The following COA1 variants were observed in gnomAD, a reference collection of about 807,000 sequenced individuals.
COA1 encodes cytochrome c oxidase assembly factor 1 homolog.
A neutral mutation model predicts 16.0 loss-of-function variants in COA1; 13 were observed. The observed-to-expected ratio is 0.81, with a 90% confidence interval of 0.53 to 1.29. COA1 has a LOEUF of 1.29. COA1 is among the 50% of genes most tolerant of loss of function. The pLI, the probability that COA1 is intolerant of heterozygous loss-of-function variation, is 0.00. For missense variants in COA1, 179 were observed against 177.0 expected (o/e 1.01, Z -0.06); for synonymous variants, 65 against 65.7 (o/e 0.99, Z 0.05).
chr7:43,643,602 T>A (rs67210429), intron 4 of COA1, among the ~76,000 whole-genome samples: 22,354 of 152,186 alleles, frequency 0.15, 2,193 homozygotes, highest in Non-Finnish European at 0.21. Context: ...GACCATCACC[T>A]CTGACCCACC....
Position 43,639,609 on chromosome 7 carries a change from T to C in COA1, c.414A>G (p.Glu138=). 6.2e-7 allele frequency: 1 copy of C among 1,613,980 alleles called. No individual in the cohort carries two copies. The highest frequency in any genetic ancestry group is 1.1e-5 in the South Asian group (1 of 91,076). The change falls in exon 6 of 6, where the codon GAA becomes GAG. Residue 138 remains glutamate (E), a synonymous_variant. Transcript: ENST00000223336. The part of the protein sequence containing the change: ...QQIPVFKLSG[E]NGDEVKKE ...ACTCCTTTTTCACTTCATCACCGTT[T>C]TCCCCACTGAGCTTGAACACAGGAA...
In COA1 at chr7:43,695,118, A is replaced by G. The variant is rs139052028; in HGVS notation, c.-39+34311T>C. ...GTTACCATCATCTCTTCCCTGGATC[A>G]TAACAGCAGCGTCCTGACAAACCTC... is the stretch of plus-strand genomic sequence containing the variant. On this transcript the variant is annotated intron_variant, in intron 1 of 5. Coordinates refer to ENST00000223336, the MANE Select transcript of COA1 (RefSeq NM_018224.4). 4.3e-4 allele frequency among the ~76,000 whole-genome samples: 65 copies of G among 152,364 alleles called. 2 individuals carry two copies. In the East Asian group the frequency reaches 0.012, roughly 28 times the overall value.
chr7:43,673,752 A>G (rs762102394), intron 1 of COA1, among the ~76,000 whole-genome samples: 22 of 152,244 alleles, frequency 1.4e-4, no homozygotes, highest in Non-Finnish European at 2.5e-4. Context: ...CTAAATGCCC[A>G]CCAATGGTGG....
intron 2 of COA1, chr7:43,647,868 G>T: frequency 1.9e-6 from 1 of 526,094 alleles, no homozygotes; most frequent in East Asian, 3.2e-5. Context: ...ATGCTGTGGG[G>T]GCCCTGCCAC....
intron 1 of COA1, among the ~76,000 whole-genome samples, chr7:43,666,635 A>G (rs1345078310): frequency 1.3e-5 from 2 of 152,230 alleles, no homozygotes; most frequent in Non-Finnish European, 2.9e-5. Flanking sequence ...TCAAAATGCA[A>G]ATAGGTGGTC....
At chr7:43,725,173 G>A (rs747427018) in intron 1 of COA1, among the ~76,000 whole-genome samples, 13 of 152,026 alleles carry the variant, frequency 8.6e-5, no homozygotes, top group Non-Finnish European at 1.5e-5. Context: ...GGGAGGTGGG[G>A]GTTGCGGTAA....
intron 1 of COA1, among the ~76,000 whole-genome samples, chr7:43,708,354 A>T (rs546286293): frequency 6.6e-6 from 1 of 152,214 alleles, no homozygotes; most frequent in East Asian, 1.9e-4. Flanking sequence ...CCAACTGCTC[A>T]GGAGGCTAAA....
chr7:43,661,647 A>AAG (rs2092443265), intron 1 of COA1, among the ~76,000 whole-genome samples: 3 of 132,500 alleles, frequency 2.3e-5, no homozygotes, highest in Non-Finnish European at 3.6e-5. Flanking sequence ...AAAAAAAAAA[A>AAG]AAAGAGACAT....
intron 6 of COA1, among the ~76,000 whole-genome samples, chr7:43,613,288 T>C (rs2083046812): frequency 1.3e-5 from 2 of 152,182 alleles, no homozygotes; most frequent in Admixed American, 1.3e-4. Flanking sequence ...CCCCACCAAG[T>C]ATTTCATTGA....
Position 43,645,450 on chromosome 7 carries a change from A to G in COA1, c.116-51T>C, listed in dbSNP as rs369783026. On this transcript the variant is annotated intron_variant, in intron 3 of 5. Transcript: ENST00000223336. ...TCTTTATTGAACTTGGTCAGGTAGA[A>G]TCTACTACACAGAAAATTAAATAAT... 4.6e-6 allele frequency: 7 copies of G among 1,526,994 alleles called. No individual in the cohort carries two copies. The African/African-American group carries it at 8.2e-5, about 18-fold the overall frequency. 94.6% of individuals were successfully genotyped at this position (1,526,994 alleles called of 1,614,324 possible).
At chr7:43,641,566 T>TAAAA (rs1224332397) in intron 4 of COA1, 2 of 152,214 alleles carry the variant, frequency 1.3e-5, no homozygotes, top group Non-Finnish European at 2.9e-5. Flanking sequence ...ATTCACTGTT[T>TAAAA]TAAAGAGGGA....
At chr7:43,610,776 A>G (rs28380204) in intron 6 of COA1, among the ~76,000 whole-genome samples, 22,333 of 152,200 alleles carry the variant, frequency 0.15, 2,187 homozygotes, top group Non-Finnish European at 0.21. Context: ...ATTTAATACT[A>G]TATAAATAAC....
rs1429374527 is a variant in COA1, at chr7:43,691,467, AAGAAAGAAAG to A, written c.-39+37952_-39+37961del. ...AAAGAAAGAAAGAAAGAAAGAAAGA[AAGAAAGAAAG>A]AAATTATCATCAATATAACATTTTC... On this transcript the variant is annotated intron_variant, in intron 1 of 5. Coordinates refer to ENST00000223336, the MANE Select transcript of COA1 (RefSeq NM_018224.4). 2.5e-3 allele frequency among the ~76,000 whole-genome samples: 359 copies of A among 145,188 alleles called. 1 individual carries two copies. The highest frequency in any genetic ancestry group is 9.3e-3 in the African/African-American group (336 of 36,302).
rs540166287 is a variant in COA1, at chr7:43,709,110, G to A, written c.-39+20319C>T. On this transcript the variant is annotated intron_variant, in intron 1 of 5. Coordinates refer to ENST00000223336, the MANE Select transcript of COA1 (RefSeq NM_018224.4). ...ACGATCTCAGCTCAGTGCAAGCTCC[G>A]CCTCCCAGGTTCACACCATTCTCCT... is the stretch of plus-strand genomic sequence containing the variant. Among the ~76,000 whole-genome samples, 164 of 150,026 alleles carry A rather than the reference G, an allele frequency of 1.1e-3. 3 individuals are homozygous for A. The South Asian group carries it at 0.032, about 29-fold the overall frequency.
chr7:43,724,074 C>A (rs573207698), intron 1 of COA1, among the ~76,000 whole-genome samples: 2 of 152,302 alleles, frequency 1.3e-5, no homozygotes, highest in East Asian at 3.9e-4. Context: ...TACACCCCTT[C>A]AAGTAGGAAA....
chr7:43,615,033 G>GT (rs1168396104), intron 6 of COA1, among the ~76,000 whole-genome samples: 1 of 152,140 alleles, frequency 6.6e-6, no homozygotes, highest in Non-Finnish European at 1.5e-5. Flanking sequence ...ATTTTCCCTA[G>GT]CAGTATTTCA....
At chr7:43,622,173 C>T (rs1247882336) in intron 6 of COA1, 1 of 152,194 alleles carries the variant, frequency 6.6e-6, no homozygotes, top group Non-Finnish European at 1.5e-5. Context: ...GCTATGTGGT[C>T]TGTTTTACTG....
rs2086550874 is a variant in COA1, at chr7:43,639,641, G to A, written c.382C>T (p.Gln128Ter). ...DEVFLELKDG[Q>*]QIPVFKLSGE... ...CTGAGCTTGAACACAGGAATCTGCT[G>A]ACCATCCTTGAGCTCTAAAAAGACC... The change falls in exon 6 of 6, where the codon CAG becomes TAG. Residue 128 changes from glutamine (Q) to a stop codon, truncating the protein, a stop_gained. Transcript: ENST00000223336. LOFTEE classifies it low-confidence loss of function (END_TRUNC). The A allele has an allele frequency of 6.2e-7, 1 of 1,614,026 alleles. No homozygotes were observed. The highest frequency in any genetic ancestry group is 8.5e-7 in the Non-Finnish European group (1 of 1,179,970).
intron 1 of COA1, among the ~76,000 whole-genome samples, chr7:43,722,745 C>A (rs553344307): frequency 6.6e-6 from 1 of 152,300 alleles, no homozygotes; most frequent in South Asian, 2.1e-4. Flanking sequence ...CCTCAAAAAG[C>A]TGGTGCATAA....
Sources: allele counts gnomAD v4.1 joint callset (sites outside exome capture counted in the v4.1 genomes callset), GRCh38; gene constraint gnomAD v4.1.1; transcripts MANE v1.5; gene names NCBI Gene and HGNC (gene_info 2026-07-23, HGNC 2026-07-21).